FDX1: variants seen among roughly 807,000 people sequenced by gnomAD.
The protein encoded by FDX1 is adrenodoxin, mitochondrial.
FDX1 carries 9 observed loss-of-function variants against 14.9 expected under a neutral mutation model. The observed-to-expected ratio is 0.60, with a 90% CI of 0.36 to 1.05. The LOEUF is 1.05. Among genes scored for constraint, FDX1 ranks in the 50% least tolerant of loss-of-function variants. FDX1 has a pLI of 0.01. For synonymous variants in FDX1, 92 were observed against 99.4 expected (o/e 0.93, Z 0.44); for missense variants, 204 against 237.2 (o/e 0.86, Z 0.92).
rs76532703 is a variant in FDX1, at chr11:110,437,235, C to G, written c.310+1277C>G. On this transcript the variant is annotated intron_variant, in intron 2 of 3. Transcript: ENST00000260270. Reference sequence around the variant, plus strand: ...TCTTGAACTCCTGGGCTCAAGAGATCTTCCTGCCTTGGCCTCCCAAAGTGC... The same window carrying G: ...TCTTGAACTCCTGGGCTCAAGAGATGTTCCTGCCTTGGCCTCCCAAAGTGC... 1.7e-3 allele frequency among the ~76,000 whole-genome samples: 261 copies of G among 152,340 alleles called. 1 individual carries two copies. The highest frequency in any genetic ancestry group is 5.8e-3 in the African/African-American group (242 of 41,572).
rs1946462455 is a variant in FDX1 at position 110,447,967 on chromosome 11, A to G, written c.311-8951A>G. 2.0e-5 allele frequency among the ~76,000 whole-genome samples: 3 copies of G among 152,252 alleles called. No individual in the cohort carries two copies. In the South Asian group the frequency reaches 6.2e-4, roughly 31 times the overall value. ...TCATTGTATACGAAATGAAGTAATA[A>G]GTGAACACATGAATAAAAAGGGACA... On this transcript the variant is annotated intron_variant, in intron 2 of 3. Transcript: ENST00000260270.
At chr11:110,456,816 T>C in intron 2 of FDX1, 102 bp from the exon 3 acceptor site, 5 of 1,289,356 alleles carry the variant, frequency 3.9e-6, no homozygotes, top group Non-Finnish European at 4.2e-6. Flanking sequence ...GCCTCACTTA[T>C]GTATTCTAAT....
At chr11:110,446,773 G>C (rs979278977) in intron 2 of FDX1, among the ~76,000 whole-genome samples, 3 of 152,196 alleles carry the variant, frequency 2.0e-5, no homozygotes, top group African/African-American at 7.2e-5. Flanking sequence ...GGCACGAGGG[G>C]CTGGCCAGCC....
intron 2 of FDX1, among the ~76,000 whole-genome samples, chr11:110,452,697 T>C (rs1946494485): frequency 6.6e-6 from 1 of 152,092 alleles, no homozygotes; most frequent in Non-Finnish European, 1.5e-5. Flanking sequence ...CACCACCAGA[T>C]ACCTACTAGA....
intron 2 of FDX1, among the ~76,000 whole-genome samples, chr11:110,446,519 C>A (rs547978254): frequency 6.6e-6 from 1 of 152,352 alleles, no homozygotes; most frequent in East Asian, 1.9e-4. Context: ...TGCTTTACAT[C>A]ACTTCTTGGA....
intron 2 of FDX1, among the ~76,000 whole-genome samples, chr11:110,447,150 T>G (rs1946455066): frequency 7.2e-6 from 1 of 139,260 alleles, no homozygotes; most frequent in African/African-American, 2.8e-5. Flanking sequence ...CACTCCAGCC[T>G]GGGTTACAGA....
At position 110,430,068 on chromosome 11, in the gene FDX1, C is replaced by T. The variant is rs1006294212; in HGVS notation, c.-53C>T. Reference sequence around the variant, plus strand: ...CCGCCCCCGCCTCTTTGGAGTCTCTCGCGGCCTCAAAGCGCGGCCTGCGTC... The same window carrying T: ...CCGCCCCCGCCTCTTTGGAGTCTCTTGCGGCCTCAAAGCGCGGCCTGCGTC... On this transcript the variant is annotated 5_prime_UTR_variant, in exon 1 of 4. Transcript: ENST00000260270. The T allele has an allele frequency of 1.1e-5, 13 of 1,178,878 alleles. No homozygotes were observed. The African/African-American group carries it at 2.1e-4, about 19-fold the overall frequency. 73.0% of individuals were successfully genotyped at this position (1,178,878 alleles called of 1,614,324 possible).
chr11:110,436,823 A>G (rs1238125688), intron 2 of FDX1, among the ~76,000 whole-genome samples: 1 of 152,054 alleles, frequency 6.6e-6, no homozygotes, highest in Non-Finnish European at 1.5e-5. Flanking sequence ...CCCATGATAT[A>G]TTAAATCTAC....
intron 2 of FDX1, among the ~76,000 whole-genome samples, chr11:110,438,942 C>T (rs956642780): frequency 3.3e-5 from 5 of 152,034 alleles, no homozygotes; most frequent in East Asian, 1.9e-4. Context: ...CTTGTTCTGT[C>T]GCCCAGGCTA....
At chr11:110,457,993 G>A (rs911637395) in intron 3 of FDX1, among the ~76,000 whole-genome samples, 12 of 152,020 alleles carry the variant, frequency 7.9e-5, no homozygotes, top group Admixed American at 3.9e-4. Context: ...AGTGGATTGT[G>A]GCTACTGTCT....
intron 2 of FDX1, among the ~76,000 whole-genome samples, chr11:110,451,766 G>A (rs1287319306): frequency 2.6e-5 from 4 of 152,204 alleles, no homozygotes; most frequent in African/African-American, 4.8e-5. Flanking sequence ...GAAGGAACAA[G>A]ATCATGTCCT....
chr11:110,432,436 AGT>A (rs1222238722), intron 1 of FDX1, among the ~76,000 whole-genome samples: 3 of 152,084 alleles, frequency 2.0e-5, no homozygotes, highest in Non-Finnish European at 4.4e-5. Flanking sequence ...AAATTTCAGT[AGT>A]TTTGGGGGCA....
chr11:110,451,164 CTT>C (rs1349318792), intron 2 of FDX1, among the ~76,000 whole-genome samples: 3 of 150,052 alleles, frequency 2.0e-5, no homozygotes, highest in Non-Finnish European at 4.4e-5. Flanking sequence ...TTGTGAATAG[CTT>C]TTGTTTCCAT....
chr11:110,458,808 A>G (rs11213411), intron 3 of FDX1, among the ~76,000 whole-genome samples: 29,639 of 151,810 alleles, frequency 0.2, 3,061 homozygotes, highest in East Asian at 0.26. Flanking sequence ...GGGTTTCACC[A>G]TGTTGGCCAG....
intron 1 of FDX1, among the ~76,000 whole-genome samples, chr11:110,431,859 A>G (rs144041796): frequency 0.022 from 3,282 of 152,278 alleles, 48 homozygotes; most frequent in Non-Finnish European, 0.029. Flanking sequence ...CATTCCTCTT[A>G]CAGACTTTGG....
intron 1 of FDX1, among the ~76,000 whole-genome samples, chr11:110,430,541 C>T (rs1946323927): frequency 6.6e-6 from 1 of 152,236 alleles, no homozygotes; most frequent in Non-Finnish European, 1.5e-5. Context: ...TCACCCACTC[C>T]CGGCGGGAAT....
intron 1 of FDX1, among the ~76,000 whole-genome samples, chr11:110,433,377 C>T (rs1946343540): frequency 6.6e-6 from 1 of 152,198 alleles, no homozygotes; most frequent in Non-Finnish European, 1.5e-5. Context: ...CCTTTGGTTC[C>T]TGTCTTAAAC....
intron 2 of FDX1, among the ~76,000 whole-genome samples, chr11:110,440,727 CA>C (rs1419915033): frequency 1.3e-5 from 2 of 151,876 alleles, no homozygotes; most frequent in Non-Finnish European, 2.9e-5. Flanking sequence ...TGATCTAACA[CA>C]AAAAAAGGCT....
At chr11:110,459,055 T>C (rs529310083) in intron 3 of FDX1, among the ~76,000 whole-genome samples, 381 of 152,302 alleles carry the variant, frequency 2.5e-3, no homozygotes, top group South Asian at 0.015. Flanking sequence ...GTATCTCTAA[T>C]GCCAGATTCA....
Sources: gnomAD v4.1 joint callset for allele counts (sites outside exome capture counted in the v4.1 genomes callset) on GRCh38, gnomAD v4.1.1 for gene constraint, MANE v1.5 for transcripts, NCBI Gene and HGNC (gene_info 2026-07-23, HGNC 2026-07-21) for gene names.